The following SP3 variants were observed in gnomAD, a reference collection of about 807,000 sequenced individuals.
SP3 encodes Sp3 transcription factor.
SP3 carries 10 observed loss-of-function variants against 70.3 expected under a neutral mutation model. That is an observed-to-expected ratio of 0.14 (90% CI 0.09 to 0.24). SP3 has a LOEUF of 0.24. Among genes scored for constraint, SP3 ranks in the 10% least tolerant of loss-of-function variants. The probability of loss-of-function intolerance (pLI) is 1.00; values close to 1 mark genes in which losing one functional copy is unlikely to be tolerated. For synonymous variants in SP3, 402 were observed against 333.5 expected (o/e 1.21, Z -2.24); for missense variants, 825 against 914.6 (o/e 0.90, Z 1.26).
chr2:173,923,852 A>G (rs1189727579), intron 4 of SP3, among the ~76,000 whole-genome samples: 1 of 151,950 alleles, frequency 6.6e-6, no homozygotes, highest in Non-Finnish European at 1.5e-5. Context: ...AAAATCATCT[A>G]ACAGAACCAC....
intron 2 of SP3, chr2:173,964,199 A>G: frequency 2.2e-6 from 1 of 457,004 alleles, no homozygotes; most frequent in Non-Finnish European, 3.9e-6. Context: ...ACGCGCACAA[A>G]AAGGCGGCAG....
At chr2:173,959,978 T>C (rs1400936152) in intron 3 of SP3, among the ~76,000 whole-genome samples, 1 of 152,160 alleles carries the variant, frequency 6.6e-6, no homozygotes, top group African/African-American at 2.4e-5. Flanking sequence ...AAGACCAGCC[T>C]AGGCAACATG....
intron 5 of SP3, among the ~76,000 whole-genome samples, chr2:173,918,241 T>C (rs1559091613): frequency 6.6e-6 from 1 of 152,126 alleles, no homozygotes; most frequent in East Asian, 1.9e-4. Context: ...CTGAACTTAA[T>C]TTTTACGTAA....
chr2:173,961,293 T>C (rs1219246716), intron 3 of SP3, among the ~76,000 whole-genome samples: 3 of 152,202 alleles, frequency 2.0e-5, no homozygotes, highest in Non-Finnish European at 2.9e-5. Context: ...TATGACAAAT[T>C]CCAAATTCAA....
Position 173,955,504 on chromosome 2 carries a change from T to A in SP3, c.1008A>T (p.Ser336=), listed in dbSNP as rs766906913. 1.2e-6 allele frequency: 2 copies of A among 1,614,196 alleles called. No homozygotes were observed. Among genetic ancestry groups the A allele is most frequent in the South Asian group, 2.2e-5 (2 of 91,088 alleles). Reference sequence around the variant, plus strand: ...TATCTATCGTAACAGGCAACTGTGATGAAGAGGATGTTGGCACAAATAAAT... The same window carrying A: ...TATCTATCGTAACAGGCAACTGTGAAGAAGAGGATGTTGGCACAAATAAAT... ...DTDLFVPTSS[S]SQLPVTIDST... Residue 336 remains serine, a synonymous_variant, in exon 4 of 7, where the codon TCA becomes TCT. Transcript: ENST00000310015.
At chr2:173,957,994 T>A (rs1353500165) in intron 3 of SP3, among the ~76,000 whole-genome samples, 1 of 152,144 alleles carries the variant, frequency 6.6e-6, no homozygotes, top group Non-Finnish European at 1.5e-5. Context: ...AATGTTTCAT[T>A]TCGGTCTCTT....
rs982667552 is a variant in SP3, at chr2:173,953,598, T to G, written c.1639+1275A>C. Among the ~76,000 whole-genome samples the G allele has an allele frequency of 5.3e-5, 8 of 152,054 alleles. No individual in the cohort carries two copies. In the East Asian group the frequency reaches 1.5e-3, roughly 29 times the overall value. ...CTCATCTTTACTAAAAATACAAAAA[T>G]TAGCCGGATGTGGTGGTGTGCACCT... On this transcript the variant is annotated intron_variant, in intron 4 of 6. Coordinates refer to ENST00000310015, the MANE Select transcript of SP3 (RefSeq NM_003111.5).
At chr2:173,945,361 A>C (rs954052878) in intron 4 of SP3, among the ~76,000 whole-genome samples, 2 of 152,196 alleles carry the variant, frequency 1.3e-5, no homozygotes, top group Non-Finnish European at 2.9e-5. Context: ...ACTACACCTC[A>C]AAGTTTCTAA....
At chr2:173,961,560 G>A (rs1367204981) in intron 3 of SP3, among the ~76,000 whole-genome samples, 1 of 152,164 alleles carries the variant, frequency 6.6e-6, no homozygotes, top group Non-Finnish European at 1.5e-5. Flanking sequence ...TCTTAATTTG[G>A]ACAAATGTAT....
chr2:173,962,723 C>G (rs1691125884), intron 3 of SP3, among the ~76,000 whole-genome samples: 2 of 152,118 alleles, frequency 1.3e-5, no homozygotes, highest in African/African-American at 4.8e-5. Context: ...TCTTCAGTGA[C>G]TATTGAAAGT....
chr2:173,937,916 T>A (rs1690251342), intron 4 of SP3, among the ~76,000 whole-genome samples: 2 of 152,164 alleles, frequency 1.3e-5, no homozygotes, highest in South Asian at 4.1e-4. Flanking sequence ...ACAAAAAATC[T>A]CTCATCATGT....
At chr2:173,950,700 C>T (rs1690686424) in intron 4 of SP3, among the ~76,000 whole-genome samples, 1 of 151,168 alleles carries the variant, frequency 6.6e-6, no homozygotes, top group Admixed American at 6.6e-5. Flanking sequence ...CCAAGGATGT[C>T]AAAGTTTTCA....
At chr2:173,928,079 C>G (rs898609221) in intron 4 of SP3, among the ~76,000 whole-genome samples, 1 of 152,142 alleles carries the variant, frequency 6.6e-6, no homozygotes, top group East Asian at 1.9e-4. Context: ...GGTTACCGTA[C>G]CCATCATCCC....
In SP3 at chr2:173,955,826, G is replaced by A. The variant is rs1002766171; in HGVS notation, c.686C>T (p.Pro229Leu). The change falls in exon 4 of 7, where the codon CCA becomes CTA. Residue 229 changes from proline (P) to leucine (L), a missense_variant. Physicochemically the swap from Pro to Leu is moderately conservative, Grantham distance 98. Around this residue, in one of 4 missense-constraint regions of SP3, gnomAD observed 678 missense variants for 651.6 expected, o/e 1.04. Transcript: ENST00000310015. Reference sequence around the variant, plus strand: ...CTGAACCTGGACTTGACCAGTCTGTGGTATGAGATTCTGGATGTTAGCAGA... The same window carrying A: ...CTGAACCTGGACTTGACCAGTCTGTAGTATGAGATTCTGGATGTTAGCAGA... ...TPSANIQNLI[P>L]QTGQVQVQGV... 1 of 1,614,070 alleles carries A rather than the reference G, an allele frequency of 6.2e-7. No homozygotes were observed. The highest frequency in any genetic ancestry group is 8.5e-7 in the Non-Finnish European group (1 of 1,180,026).
intron 2 of SP3, 107 bp from the exon 3 acceptor site, chr2:173,963,990 C>T (rs1174239441): frequency 7.3e-6 from 5 of 683,190 alleles, no homozygotes; most frequent in African/African-American, 3.9e-5. Flanking sequence ...GCCGACTGCG[C>T]CCGGGCAAGC....
At chr2:173,949,460 G>A (rs924515966) in intron 4 of SP3, among the ~76,000 whole-genome samples, 3 of 152,136 alleles carry the variant, frequency 2.0e-5, no homozygotes, top group African/African-American at 7.2e-5. Context: ...AGACACTATA[G>A]GAGAGTGAAA....
At chr2:173,957,189 A>G (rs1310931722) in intron 3 of SP3, among the ~76,000 whole-genome samples, 2 of 152,206 alleles carry the variant, frequency 1.3e-5, no homozygotes, top group Non-Finnish European at 2.9e-5. Context: ...TCAGTGGATG[A>G]ACCACAGTTA....
chr2:173,903,850 T>C lies in SP3; in HGVS notation c.*6091A>G, dbSNP rs1052321497. Among the ~76,000 whole-genome samples the C allele has an allele frequency of 1.3e-5, 2 of 152,198 alleles. No individual in the cohort carries two copies. Among genetic ancestry groups the C allele is most frequent in the African/African-American group, 4.8e-5 (2 of 41,446 alleles). On this transcript the variant is annotated 3_prime_UTR_variant, in exon 7 of 7. Coordinates refer to ENST00000310015, the MANE Select transcript of SP3 (RefSeq NM_003111.5). ...CACCCTTTCTGATTCATCCAAGCTA[T>C]ATACTAAGTTCTGCCTTGTCTAAAC...
intron 4 of SP3, among the ~76,000 whole-genome samples, chr2:173,923,646 AT>A (rs1434076450): frequency 6.6e-6 from 1 of 152,090 alleles, no homozygotes; most frequent in East Asian, 1.9e-4. Context: ...AAAATGAGAC[AT>A]TATCTTTTAT....
Sources: gnomAD v4.1 joint callset for allele counts (sites outside exome capture counted in the v4.1 genomes callset) on GRCh38, gnomAD v4.1.1 for gene constraint, gnomAD v4.1.1 regional missense constraint, MANE v1.5 for transcripts, NCBI Gene and HGNC (gene_info 2026-07-23, HGNC 2026-07-21) for gene names.